Variants in MAGI1 observed in about 807,000 individuals in gnomAD.
MAGI1 encodes the protein membrane associated guanylate kinase, WW and PDZ domain containing 1.
In MAGI1, 58 loss-of-function variants were observed where a neutral mutation model predicts 139.9. The ratio of observed to expected loss-of-function variants is 0.41; its 90% CI spans 0.34 to 0.52. The LOEUF is 0.52. Among genes scored for constraint, MAGI1 ranks in the 20% least tolerant of loss-of-function variants. The pLI is 0.12. For synonymous variants in MAGI1, 812 were observed against 737.9 expected, an observed-to-expected ratio of 1.10 and a Z score of -1.63; for missense variants, 1,874 against 1,901.6, an observed-to-expected ratio of 0.99 and a Z score of 0.27.
At chr3:65,651,616 A>G (rs1559755336) in intron 1 of MAGI1, among the ~76,000 whole-genome samples, 1 of 152,192 alleles carries the variant, frequency 6.6e-6, no homozygotes, top group Non-Finnish European at 1.5e-5. Context: ...ACTGTTCATC[A>G]GTGAGTCAAT....
intron 2 of MAGI1, among the ~76,000 whole-genome samples, chr3:65,542,027 C>T (rs143912848): frequency 6.6e-6 from 1 of 152,094 alleles, no homozygotes; most frequent in African/African-American, 2.4e-5. Flanking sequence ...AAACCCCATC[C>T]TCTCAGCCCA....
chr3:65,778,679 C>A (rs1334464534), intron 1 of MAGI1, among the ~76,000 whole-genome samples: 1 of 152,166 alleles, frequency 6.6e-6, no homozygotes, highest in East Asian at 1.9e-4. Flanking sequence ...CTTAGACCTA[C>A]CTGGCTTTTG....
rs960809142 is a variant in MAGI1, at chr3:65,923,973, G to A, written c.313+114023C>T. ...GTAATATTAACAGAAAATAATTAAA[G>A]TGTTTTTTAAGTATTAGACTCAGCT... On this transcript the variant is annotated intron_variant, in intron 1 of 22. Coordinates refer to ENST00000402939, the MANE Select transcript of MAGI1 (RefSeq NM_001033057.2). Among the ~76,000 whole-genome samples the A allele has an allele frequency of 1.3e-5, 2 of 152,282 alleles. 1 individual carries two copies. Among genetic ancestry groups the A allele is most frequent in the South Asian group, 4.1e-4 (2 of 4,828 alleles).
rs772888608 is a variant in MAGI1 at position 65,430,004 on chromosome 3, A to G, written c.1683T>C (p.Asp561=). The G allele has an allele frequency of 3.7e-6, 6 of 1,613,958 alleles. No individual in the cohort carries two copies. The highest frequency in any genetic ancestry group is 5.1e-6 in the Non-Finnish European group (6 of 1,179,930). ...ELCRGYPLPF[D]PDDPNTSLVT... ...CTAAACTTGTATTGGGGTCATCTGG[A>G]TCAAAAGGCAATGGATAACCTCGGC... is the stretch of plus-strand genomic sequence containing the variant. Residue 561 remains aspartate, a synonymous_variant, in exon 12 of 23, where the codon GAT becomes GAC. Transcript: ENST00000402939.
At chr3:65,858,750 G>A (rs191065545) in intron 1 of MAGI1, among the ~76,000 whole-genome samples, 5 of 152,118 alleles carry the variant, frequency 3.3e-5, no homozygotes, top group Admixed American at 2.0e-4. Context: ...GATGACATGG[G>A]GTGAAACCAC....
At chr3:65,947,056 G>A (rs2063576213) in intron 1 of MAGI1, among the ~76,000 whole-genome samples, 1 of 152,072 alleles carries the variant, frequency 6.6e-6, no homozygotes, top group Non-Finnish European at 1.5e-5. Flanking sequence ...TCTATCTTGT[G>A]TTATGTTTGG....
At chr3:65,587,339 A>G (rs776981142) in intron 2 of MAGI1, among the ~76,000 whole-genome samples, 4 of 152,168 alleles carry the variant, frequency 2.6e-5, no homozygotes, top group African/African-American at 9.7e-5. Flanking sequence ...ATTTTATAAC[A>G]AAGTGTTGAA....
intron 2 of MAGI1, among the ~76,000 whole-genome samples, chr3:65,603,304 A>C (rs1300857055): frequency 6.6e-6 from 1 of 152,206 alleles, no homozygotes; most frequent in African/African-American, 2.4e-5. Context: ...TCAGATGAAT[A>C]TTTAAAAAAT....
intron 1 of MAGI1, among the ~76,000 whole-genome samples, chr3:65,728,473 T>C (rs915238145): frequency 4.6e-5 from 7 of 152,166 alleles, no homozygotes; most frequent in Non-Finnish European, 8.8e-5. Flanking sequence ...CAGCTGCTGC[T>C]GTGTGGGAAA....
intron 1 of MAGI1, among the ~76,000 whole-genome samples, chr3:66,009,449 G>A (rs567187884): frequency 1.3e-5 from 2 of 152,270 alleles, no homozygotes; most frequent in South Asian, 4.1e-4. Context: ...GACCGAGGTT[G>A]CAGTGAGCCA....
chr3:65,594,897 A>G (rs776804498), intron 2 of MAGI1, among the ~76,000 whole-genome samples: 5 of 152,180 alleles, frequency 3.3e-5, no homozygotes, highest in African/African-American at 4.8e-5. Flanking sequence ...CCCAAATTCT[A>G]TTCCATGCAA....
chr3:65,898,432 A>T (rs1028208791), intron 1 of MAGI1, among the ~76,000 whole-genome samples: 1 of 152,266 alleles, frequency 6.6e-6, no homozygotes. Context: ...AAATGCACAC[A>T]GGCTTGTTCA....
chr3:65,948,312 T>C (rs184840284), intron 1 of MAGI1, among the ~76,000 whole-genome samples: 2 of 152,308 alleles, frequency 1.3e-5, no homozygotes, highest in Admixed American at 1.3e-4. Context: ...TATTATAAGA[T>C]ATATCTCCAG....
chr3:65,815,195 G>A (rs563880296), intron 1 of MAGI1, among the ~76,000 whole-genome samples: 5 of 152,166 alleles, frequency 3.3e-5, no homozygotes, highest in Non-Finnish European at 5.9e-5. Flanking sequence ...AGTTCCTTTC[G>A]TCAAAAAGTC....
chr3:65,460,713 C>A (rs1311153635), intron 5 of MAGI1, among the ~76,000 whole-genome samples: 1 of 152,052 alleles, frequency 6.6e-6, no homozygotes, highest in Non-Finnish European at 1.5e-5. Context: ...CACCCTCCAA[C>A]AGGTCCCCTA....
chr3:65,878,667 T>G (rs1187277682), intron 1 of MAGI1, among the ~76,000 whole-genome samples: 1 of 152,128 alleles, frequency 6.6e-6, no homozygotes, highest in Non-Finnish European at 1.5e-5. Flanking sequence ...AGCACACCAG[T>G]GACAAAATGG....
At chr3:65,365,066 G>C (rs370114564) in intron 18 of MAGI1, 120 bp from the exon 19 acceptor site, 27 of 832,036 alleles carry the variant, frequency 3.2e-5, no homozygotes, top group African/African-American at 3.0e-4. Flanking sequence ...CCCATTTCAA[G>C]CAGTCTGACT....
At chr3:65,852,553 G>C (rs2059239894) in intron 1 of MAGI1, among the ~76,000 whole-genome samples, 2 of 150,570 alleles carry the variant, frequency 1.3e-5, no homozygotes, top group African/African-American at 4.9e-5. Flanking sequence ...GCCCAGGCTG[G>C]AGCACAACTG....
chr3:65,530,030 G>GA (rs1487249190), intron 2 of MAGI1, among the ~76,000 whole-genome samples: 1 of 152,044 alleles, frequency 6.6e-6, no homozygotes, highest in Admixed American at 6.5e-5. Context: ...ATATATGTGT[G>GA]AGAGTGCCTA....
Sources: gnomAD v4.1 joint callset for allele counts (sites outside exome capture counted in the v4.1 genomes callset) on GRCh38, gnomAD v4.1.1 for gene constraint, MANE v1.5 for transcripts, NCBI Gene and HGNC (gene_info 2026-07-23, HGNC 2026-07-21) for gene names.